WDPCP: variants seen among roughly 807,000 people sequenced by gnomAD.
The protein encoded by WDPCP is WD repeat containing planar cell polarity effector, also known as WD repeat-containing and planar cell polarity effector protein fritz homolog.
A neutral mutation model predicts 93.1 loss-of-function variants in WDPCP; 71 were observed. That is an observed-to-expected ratio of 0.76 (90% CI 0.63 to 0.93). The LOEUF (loss-of-function observed/expected upper bound fraction) is 0.93. WDPCP is among the 40% of genes least tolerant of loss of function. The pLI is 0.00. For missense variants in WDPCP, 844 were observed against 887.4 expected (o/e 0.95, Z 0.62); for synonymous variants, 315 against 315.0 (o/e 1.00, Z 0.00).
At chr2:63,575,501 A>ATACAGTG (rs1558833335) in intron 1 of WDPCP, among the ~76,000 whole-genome samples, 4 of 7,038 alleles carry the variant, frequency 5.7e-4, no homozygotes, top group Admixed American at 1.6e-3. Flanking sequence ...TATATACAGT[A>ATACAGTG]TATACACTGT....
At chr2:63,130,627 AT>A (rs368648679) in intron 17 of WDPCP, among the ~76,000 whole-genome samples, 215 of 148,950 alleles carry the variant, frequency 1.4e-3, no homozygotes, top group Middle Eastern at 3.5e-3. Context: ...AAGGATGAGT[AT>A]TTTTTTTTTC....
Position 63,540,948 on chromosome 2 carries a change from G to T in WDPCP, c.75+47249C>A, listed in dbSNP as rs145446566. Among the ~76,000 whole-genome samples, 729 of 151,524 alleles carry T rather than the reference G, an allele frequency of 4.8e-3. 19 individuals carry two copies. Among genetic ancestry groups the T allele is most frequent in the East Asian group, 0.019 (96 of 5,154 alleles). Reference sequence around the variant, plus strand: ...TCTGTTTTTGTTTTGTAGAGATGGGGTTTTACCATGTTGCCCAGGCTGGTG... The same window carrying T: ...TCTGTTTTTGTTTTGTAGAGATGGGTTTTTACCATGTTGCCCAGGCTGGTG... On this transcript the variant is annotated intron_variant, in intron 1 of 17. Transcript: ENST00000272321.
At chr2:63,497,083 G>C (rs1192638781) in intron 1 of WDPCP, among the ~76,000 whole-genome samples, 1 of 126,368 alleles carries the variant, frequency 7.9e-6, no homozygotes, top group African/African-American at 3.0e-5. Flanking sequence ...CTGCACTCCA[G>C]CCTAGGTGAC....
intron 2 of WDPCP, among the ~76,000 whole-genome samples, chr2:63,744,332 G>A (rs1669764118): frequency 6.6e-6 from 1 of 152,068 alleles, no homozygotes; most frequent in Non-Finnish European, 1.5e-5. Flanking sequence ...CTGGCCTTTG[G>A]TTCAGAATGG....
At chr2:63,763,054 C>T (rs1670080745) in intron 2 of WDPCP, among the ~76,000 whole-genome samples, 2 of 152,150 alleles carry the variant, frequency 1.3e-5, no homozygotes, top group Non-Finnish European at 2.9e-5. Flanking sequence ...TCACTTTCAT[C>T]TTCTGATGCA....
chr2:63,439,757 C>A lies in WDPCP; in HGVS notation c.499G>T (p.Ala167Ser). The stretch of plus-strand genomic sequence containing the variant: ...TTGATTTGCACATGGGGGTAATTAC[C>A]ATCACTGATGGTGTCTGAGATGAGC... ...GKLISDTISD[A>S]LLTDSFIILS... The change falls in exon 7 of 18, where the codon GCT becomes TCT. Residue 167 changes from alanine (A) to serine (S), a missense_variant and splice_region_variant. Ala to Ser is a moderately conservative substitution (Grantham distance 99, BLOSUM62 1). Transcript: ENST00000272321. 2 of 1,612,478 alleles carry A rather than the reference C, an allele frequency of 1.2e-6. No homozygotes were observed. The highest frequency in any genetic ancestry group is 1.7e-6 in the Non-Finnish European group (2 of 1,178,812).
At chr2:63,498,235 T>A (rs1476777058) in intron 1 of WDPCP, among the ~76,000 whole-genome samples, 1 of 152,192 alleles carries the variant, frequency 6.6e-6, no homozygotes, top group Non-Finnish European at 1.5e-5. Context: ...TTTAATTACA[T>A]AAGGCATTGA....
chr2:63,546,052 C>A (rs984787706), intron 1 of WDPCP, among the ~76,000 whole-genome samples: 1 of 151,966 alleles, frequency 6.6e-6, no homozygotes, highest in Non-Finnish European at 1.5e-5. Context: ...TAAGTCTAAC[C>A]CAGCACACCA....
chr2:63,535,151 C>A (rs1424097952), intron 1 of WDPCP, among the ~76,000 whole-genome samples: 2 of 152,104 alleles, frequency 1.3e-5, no homozygotes, highest in Non-Finnish European at 2.9e-5. Context: ...ATCCAACTTA[C>A]AAGGGATGTG....
intron 6 of WDPCP, among the ~76,000 whole-genome samples, chr2:63,466,713 AAAC>A (rs1453993041): frequency 3.3e-5 from 5 of 152,216 alleles, no homozygotes; most frequent in Non-Finnish European, 5.9e-5. Flanking sequence ...GACACGTGAA[AAAC>A]AACAAGAGAG....
intron 15 of WDPCP, among the ~76,000 whole-genome samples, chr2:63,169,064 T>C (rs567477102): frequency 6.6e-6 from 1 of 152,330 alleles, no homozygotes; most frequent in East Asian, 1.9e-4. Flanking sequence ...TCACTCTCTG[T>C]TCCACTCCCA....
intron 12 of WDPCP, among the ~76,000 whole-genome samples, chr2:63,371,762 A>C (rs1247012642): frequency 6.6e-6 from 1 of 152,132 alleles, no homozygotes; most frequent in African/African-American, 2.4e-5. Context: ...GATGAGATGA[A>C]TGAGGGAGAA....
At chr2:63,374,216 T>C (rs1011299941) in intron 12 of WDPCP, among the ~76,000 whole-genome samples, 1 of 152,128 alleles carries the variant, frequency 6.6e-6, no homozygotes, top group African/African-American at 2.4e-5. Context: ...TCTCCTATCC[T>C]CTGAGTACAC....
intron 1 of WDPCP, among the ~76,000 whole-genome samples, chr2:63,551,037 T>C (rs1705596554): frequency 6.6e-6 from 1 of 152,098 alleles, no homozygotes; most frequent in Admixed American, 6.6e-5. Context: ...GCTACTCACA[T>C]CCAGTCAACC....
chr2:63,812,036 A>AT (rs571475415), intron 2 of WDPCP, among the ~76,000 whole-genome samples: 37 of 150,422 alleles, frequency 2.5e-4, no homozygotes, highest in Middle Eastern at 6.9e-3. Context: ...AGCTAATTGT[A>AT]TTTTTTTTTG....
At position 63,533,804 on chromosome 2, in the gene WDPCP, A is replaced by C. The variant is rs1704048628; in HGVS notation, c.76-40864T>G. Among the ~76,000 whole-genome samples the C allele has an allele frequency of 3.3e-5, 5 of 152,362 alleles. No homozygotes were observed. The South Asian group carries it at 1.0e-3, about 32-fold the overall frequency. On this transcript the variant is annotated intron_variant, in intron 1 of 17. Transcript: ENST00000272321. ...CTAACATCACATTTAAAAGAACTAG[A>C]GAAGCAAGAGCAAACACATTCACAA...
intron 3 of WDPCP, chr2:63,622,072 T>C (rs1343513793): frequency 1.2e-5 from 12 of 1,003,896 alleles, no homozygotes; most frequent in East Asian, 6.5e-5. Context: ...TTTTCTTTTT[T>C]TTTTTTTTTT....
intron 2 of WDPCP, among the ~76,000 whole-genome samples, chr2:63,722,419 C>T (rs1381341716): frequency 2.0e-5 from 3 of 148,852 alleles, no homozygotes; most frequent in Non-Finnish European, 3.0e-5. Context: ...TGCCCGGCCG[C>T]GACCCCATCT....
At chr2:63,275,020 C>A in intron 13 of WDPCP, among the ~76,000 whole-genome samples, 1 of 151,950 alleles carries the variant, frequency 6.6e-6, no homozygotes, top group South Asian at 2.1e-4. Context: ...CAAAAACCTA[C>A]GGGCCAATAT....
Sources: gnomAD v4.1 joint callset for allele counts (sites outside exome capture counted in the v4.1 genomes callset) on GRCh38, gnomAD v4.1.1 for gene constraint, MANE v1.5 for transcripts, NCBI Gene and HGNC (gene_info 2026-07-23, HGNC 2026-07-21) for gene names.